NRG2: variants seen among roughly 807,000 people sequenced by gnomAD.
NRG2 encodes the protein neuregulin 2, also known as pro-neuregulin-2, membrane-bound isoform.
NRG2 carries 27 observed loss-of-function variants against 73.9 expected under a neutral mutation model. The ratio of observed to expected loss-of-function variants is 0.37; its 90% CI spans 0.27 to 0.50. The LOEUF (loss-of-function observed/expected upper bound fraction) is 0.50. Ranked by LOEUF, NRG2 falls within the 20% of genes least tolerant of loss-of-function variation. The pLI is 0.96. For missense variants in NRG2, 1,126 were observed against 1,210.1 expected (o/e 0.93, Z 1.03); for synonymous variants, 532 against 541.0 (o/e 0.98, Z 0.23).
intron 9 of NRG2, among the ~76,000 whole-genome samples, chr5:139,850,270 C>G (rs984661425): frequency 1.3e-5 from 2 of 152,178 alleles, no homozygotes; most frequent in Non-Finnish European, 2.9e-5. Flanking sequence ...TTTTGTTCTC[C>G]CTGTTCTACA....
chr5:139,964,246 C>G (rs1267710492), intron 1 of NRG2, among the ~76,000 whole-genome samples: 3 of 152,176 alleles, frequency 2.0e-5, no homozygotes, highest in Admixed American at 1.3e-4. Flanking sequence ...GAATTCCCAG[C>G]CTGGCCCTCC....
At chr5:139,956,969 C>G (rs1311221341) in intron 1 of NRG2, among the ~76,000 whole-genome samples, 1 of 152,192 alleles carries the variant, frequency 6.6e-6, no homozygotes, top group Non-Finnish European at 1.5e-5. Flanking sequence ...GGCTTTCCCC[C>G]TGAGGCAATC....
At chr5:139,880,816 A>G in intron 3 of NRG2, 40 bp downstream of exon 3, 1 of 1,557,902 alleles carries the variant, frequency 6.4e-7, no homozygotes, top group Non-Finnish European at 8.8e-7. Flanking sequence ...CGCCCTGCCA[A>G]ACCCCTCTAG....
chr5:139,855,710 C>T lies in NRG2; in HGVS notation c.1258G>A (p.Gly420Ser). The change falls in exon 6 of 10, where the codon GGC (glycine) becomes AGC (serine). Residue 420 changes from glycine (G) to serine (S), a missense_variant. Gly to Ser is a moderately conservative substitution (Grantham distance 56, BLOSUM62 0). Around this residue, in one of 3 missense-constraint regions of NRG2, gnomAD observed 539 missense variants for 703.2 expected, o/e 0.77. Transcript: ENST00000361474. Reference protein sequence around the residue: ...TGICVALLVVGIVCVVAYCKT... With the variant: ...TGICVALLVVSIVCVVAYCKT... ...CAGTAGGCCACCACACAGACGATGCCCACGACCAGCAGAGCCACGCAGATG... is the reference window on the plus strand; with the variant it reads ...CAGTAGGCCACCACACAGACGATGCTCACGACCAGCAGAGCCACGCAGATG... The T allele has an allele frequency of 1.2e-6, 2 of 1,614,100 alleles. No homozygotes were observed. Among genetic ancestry groups the T allele is most frequent in the South Asian group, 2.2e-5 (2 of 91,072 alleles).
At chr5:139,955,238 G>A (rs1447949421) in intron 1 of NRG2, among the ~76,000 whole-genome samples, 1 of 152,160 alleles carries the variant, frequency 6.6e-6, no homozygotes, top group African/African-American at 2.4e-5. Context: ...GGTCAGTATT[G>A]AGGGACAGGA....
At chr5:139,878,646 C>A (rs1763334654) in intron 3 of NRG2, among the ~76,000 whole-genome samples, 1 of 152,174 alleles carries the variant, frequency 6.6e-6, no homozygotes, top group Admixed American at 6.5e-5. Flanking sequence ...ATAAATAAAT[C>A]CCTTAAGATA....
chr5:139,967,514 G>C (rs1169475597), intron 1 of NRG2, among the ~76,000 whole-genome samples: 1 of 152,232 alleles, frequency 6.6e-6, no homozygotes, highest in Non-Finnish European at 1.5e-5. Context: ...GCCCACGAGA[G>C]GGCAGTTGGT....
intron 1 of NRG2, among the ~76,000 whole-genome samples, chr5:139,917,460 C>T (rs987621963): frequency 2.6e-5 from 4 of 152,154 alleles, no homozygotes; most frequent in Non-Finnish European, 2.9e-5. Flanking sequence ...CCACATTGCT[C>T]AGGCTGGTCT....
chr5:140,031,783 C>G (rs1444892576), intron 1 of NRG2, among the ~76,000 whole-genome samples: 3 of 152,070 alleles, frequency 2.0e-5, no homozygotes, highest in Non-Finnish European at 4.4e-5. Context: ...GCCAAAGGCA[C>G]CAGTGGAAGG....
At chr5:139,924,724 A>G (rs1044850671) in intron 1 of NRG2, among the ~76,000 whole-genome samples, 13 of 152,210 alleles carry the variant, frequency 8.5e-5, no homozygotes, top group African/African-American at 2.9e-4. Flanking sequence ...TCTTTCCTCT[A>G]GAAAGAATCT....
At chr5:139,935,873 C>T (rs1052194857) in intron 1 of NRG2, among the ~76,000 whole-genome samples, 2 of 150,634 alleles carry the variant, frequency 1.3e-5, no homozygotes, top group East Asian at 2.0e-4. Context: ...GCACAAGAAT[C>T]GCTTGAACCT....
chr5:139,867,474 A>AT (rs1390668209), intron 4 of NRG2, among the ~76,000 whole-genome samples: 3 of 152,080 alleles, frequency 2.0e-5, no homozygotes, highest in Admixed American at 6.5e-5. Context: ...TCCTTCTCTG[A>AT]TCCCTGGCCC....
chr5:140,041,685 A>G (rs1033106211), intron 1 of NRG2, among the ~76,000 whole-genome samples: 2 of 150,214 alleles, frequency 1.3e-5, no homozygotes, highest in East Asian at 2.0e-4. Flanking sequence ...AAAAAAAAAA[A>G]GGTGTCTGCT....
rs1003271880 is a variant in NRG2 at position 139,904,231 on chromosome 5, T to G, written c.701-16720A>C. 1 of 1,488,856 alleles carries G rather than the reference T, an allele frequency of 6.7e-7. No individual in the cohort carries two copies. Among genetic ancestry groups the G allele is most frequent in the African/African-American group, 1.4e-5 (1 of 69,832 alleles). 92.2% of individuals were successfully genotyped at this position (1,488,856 alleles called of 1,614,324 possible). A position where few individuals can be genotyped will look rare whatever the true frequency, so the allele number is the denominator to read the frequency against. ...TAGCGCAGCCTAGACTCACCCGCGC[T>G]GCGCTGGGGGCGGGTGAGCGGGCGG... is the stretch of plus-strand genomic sequence containing the variant. On this transcript the variant is annotated intron_variant, in intron 1 of 9. Coordinates refer to ENST00000361474, the MANE Select transcript of NRG2 (RefSeq NM_004883.3). This position sits in a 1 kb window ranked among gnomAD's most constrained non-coding sequence, Gnocchi z 6.0.
chr5:139,867,337 T>C (rs1314694581), intron 4 of NRG2, among the ~76,000 whole-genome samples: 5 of 150,976 alleles, frequency 3.3e-5, no homozygotes, highest in Admixed American at 6.6e-5. Flanking sequence ...GCCTGGCTAA[T>C]TGGGGGGTGG....
At chr5:139,908,494 A>C (rs1249807172) in intron 1 of NRG2, among the ~76,000 whole-genome samples, 1 of 152,216 alleles carries the variant, frequency 6.6e-6, no homozygotes, top group Admixed American at 6.5e-5. Context: ...AACTCACTTA[A>C]TTCTTCACAA....
intron 1 of NRG2, among the ~76,000 whole-genome samples, chr5:139,937,833 C>T (rs1752956524): frequency 6.6e-6 from 1 of 152,040 alleles, no homozygotes; most frequent in Non-Finnish European, 1.5e-5. Context: ...ACTATGAACA[C>T]ATATATATAT....
chr5:139,958,800 A>G (rs1754835581), intron 1 of NRG2, among the ~76,000 whole-genome samples: 1 of 151,766 alleles, frequency 6.6e-6, no homozygotes, highest in Admixed American at 6.6e-5. Context: ...TCACCCAGGC[A>G]TCTCTCAAGA....
intron 1 of NRG2, among the ~76,000 whole-genome samples, chr5:140,014,544 A>AT (rs1302697680): frequency 2.0e-5 from 3 of 151,888 alleles, no homozygotes; most frequent in Non-Finnish European, 2.9e-5. Flanking sequence ...GCCTGGATTC[A>AT]TTTTTTTACT....
Sources: allele counts gnomAD v4.1 joint callset (sites outside exome capture counted in the v4.1 genomes callset), GRCh38; gene constraint gnomAD v4.1.1; regional missense constraint gnomAD v4.1.1; non-coding constraint Gnocchi (gnomAD v3.1); transcripts MANE v1.5; gene names NCBI Gene and HGNC (gene_info 2026-07-23, HGNC 2026-07-21).